GPC5: variants seen among roughly 807,000 people sequenced by gnomAD.
GPC5 encodes glypican 5.
In GPC5, 47 loss-of-function variants were observed where a neutral mutation model predicts 53.9. The observed-to-expected ratio is 0.87, with a 90% CI of 0.69 to 1.11. The LOEUF is 1.11. Among genes scored for constraint, GPC5 ranks in the 50% most tolerant of loss-of-function variants. The pLI, the probability that GPC5 is intolerant of heterozygous loss-of-function variation, is 0.00. For synonymous variants in GPC5, 286 were observed against 263.3 expected, an observed-to-expected ratio of 1.09 and a Z score of -0.84; for missense variants, 748 against 713.1, an observed-to-expected ratio of 1.05 and a Z score of -0.56.
intron 7 of GPC5, among the ~76,000 whole-genome samples, chr13:92,774,801 T>C (rs1057081646): frequency 2.6e-5 from 4 of 152,166 alleles, no homozygotes; most frequent in Non-Finnish European, 5.9e-5. Flanking sequence ...TATTTATCAA[T>C]TGGGCATGAA....
intron 6 of GPC5, among the ~76,000 whole-genome samples, chr13:92,086,168 C>T (rs563545506): frequency 1.6e-4 from 24 of 152,330 alleles, no homozygotes; most frequent in African/African-American, 4.3e-4. Flanking sequence ...CCTAACCCTG[C>T]AGAGCTGCTC....
At chr13:92,047,441 TA>T (rs371607050) in intron 6 of GPC5, among the ~76,000 whole-genome samples, 5,647 of 101,272 alleles carry the variant, frequency 0.056, 147 homozygotes, top group Non-Finnish European at 0.079. Flanking sequence ...TATATATATA[TA>T]TTTTTTTTTC....
intron 5 of GPC5, among the ~76,000 whole-genome samples, chr13:91,887,541 T>C (rs534983401): frequency 3.2e-4 from 49 of 152,338 alleles, no homozygotes; most frequent in African/African-American, 1.2e-3. Context: ...TTCTCTTGCA[T>C]TGTGACGCTG....
At chr13:92,586,430 G>A (rs1166399825) in intron 7 of GPC5, among the ~76,000 whole-genome samples, 1 of 152,208 alleles carries the variant, frequency 6.6e-6, no homozygotes, top group African/African-American at 2.4e-5. Context: ...AGTAAAGCAG[G>A]CTGCATTTAG....
chr13:92,416,530 T>C (rs1876299848), intron 7 of GPC5, among the ~76,000 whole-genome samples: 2 of 152,152 alleles, frequency 1.3e-5, no homozygotes, highest in Admixed American at 1.3e-4. Flanking sequence ...CACAAAAGGA[T>C]TAAGTTGAAT....
In GPC5 at chr13:91,470,046, CAAT is replaced by C. The variant is rs1022466270; in HGVS notation, c.325+21127_325+21129del. 4.6e-5 allele frequency among the ~76,000 whole-genome samples: 7 copies of C among 151,948 alleles called. No individual in the cohort carries two copies. In the South Asian group the frequency reaches 1.0e-3, roughly 23 times the overall value. On this transcript the variant is annotated intron_variant, in intron 2 of 7. Coordinates refer to ENST00000377067, the MANE Select transcript of GPC5 (RefSeq NM_004466.6). ...AGAGTGAGATCCTGTCTCAAAACAA[CAAT>C]AACAACAACAAACCCTCCCCACTCC...
intron 7 of GPC5, among the ~76,000 whole-genome samples, chr13:92,201,576 A>AT (rs139468342): frequency 0.028 from 4,193 of 151,394 alleles, 200 homozygotes; most frequent in African/African-American, 0.095. Context: ...ACTCCATTCC[A>AT]TTTTTTTTTC....
chr13:91,513,728 G>A (rs951948103), intron 2 of GPC5, among the ~76,000 whole-genome samples: 4 of 151,996 alleles, frequency 2.6e-5, no homozygotes, highest in African/African-American at 4.8e-5. Context: ...GCAACAGAGC[G>A]AGACGCCATC....
At chr13:92,201,410 T>A (rs895322342) in intron 7 of GPC5, among the ~76,000 whole-genome samples, 11 of 152,202 alleles carry the variant, frequency 7.2e-5, no homozygotes, top group Admixed American at 7.2e-4. Context: ...AAGTGTTGGG[T>A]TCAACTGTCA....
chr13:91,916,300 A>G lies in GPC5; in HGVS notation c.1401+8243A>G, dbSNP rs74760845. Among the ~76,000 whole-genome samples, 490 of 152,332 alleles carry G rather than the reference A, an allele frequency of 3.2e-3. 2 individuals carry two copies. Among genetic ancestry groups the G allele is most frequent in the African/African-American group, 0.011 (473 of 41,582 alleles). On this transcript the variant is annotated intron_variant, in intron 6 of 7. Coordinates refer to ENST00000377067, the MANE Select transcript of GPC5 (RefSeq NM_004466.6). ...AATTCCGTATCTAGGTATATACTCA[A>G]GAGAAAGGAAATACGTGTCTACACA...
At chr13:91,783,576 G>A (rs192679714) in intron 5 of GPC5, among the ~76,000 whole-genome samples, 53 of 152,138 alleles carry the variant, frequency 3.5e-4, no homozygotes, top group African/African-American at 1.2e-3. Flanking sequence ...TGGGATTATA[G>A]GCACATGCCA....
chr13:91,514,433 G>GTATA (rs1437015673), intron 2 of GPC5, among the ~76,000 whole-genome samples: 2 of 152,064 alleles, frequency 1.3e-5, no homozygotes, highest in African/African-American at 4.8e-5. Flanking sequence ...TTTACTATCT[G>GTATA]TATATGCTCA....
intron 5 of GPC5, among the ~76,000 whole-genome samples, chr13:91,792,908 T>C (rs1365275977): frequency 2.0e-5 from 3 of 152,188 alleles, no homozygotes; most frequent in Admixed American, 6.5e-5. Context: ...CTAAGGACTG[T>C]AATGTGGACA....
At chr13:92,177,713 A>G (rs1345265463) in intron 7 of GPC5, among the ~76,000 whole-genome samples, 1 of 152,188 alleles carries the variant, frequency 6.6e-6, no homozygotes, top group South Asian at 2.1e-4. Flanking sequence ...TGTGGTCTTC[A>G]TGTGACAACA....
intron 7 of GPC5, among the ~76,000 whole-genome samples, chr13:92,281,039 A>C (rs2042911334): frequency 6.6e-6 from 1 of 152,068 alleles, no homozygotes; most frequent in Admixed American, 6.5e-5. Context: ...AAATTGGGTC[A>C]CTCCCACACT....
chr13:91,784,536 C>G (rs997788421), intron 5 of GPC5, among the ~76,000 whole-genome samples: 2 of 152,010 alleles, frequency 1.3e-5, no homozygotes, highest in African/African-American at 4.8e-5. Context: ...ACCAGCCTGA[C>G]CAAGATGGAA....
chr13:91,741,865 A>C (rs1420191448), intron 4 of GPC5, among the ~76,000 whole-genome samples: 1 of 152,188 alleles, frequency 6.6e-6, no homozygotes, highest in Non-Finnish European at 1.5e-5. Context: ...AGAAAAATTT[A>C]ATATCATTTA....
At chr13:92,020,747 A>G (rs2138790127) in intron 6 of GPC5, among the ~76,000 whole-genome samples, 1 of 150,780 alleles carries the variant, frequency 6.6e-6, no homozygotes, top group Admixed American at 6.6e-5. Flanking sequence ...CTTAACAAAT[A>G]TATGGCTTGC....
chr13:92,534,803 G>A (rs1008762343), intron 7 of GPC5, among the ~76,000 whole-genome samples: 2 of 151,964 alleles, frequency 1.3e-5, no homozygotes, highest in Non-Finnish European at 2.9e-5. Context: ...AACAATTCAC[G>A]AATGGTACAA....
Sources: allele counts gnomAD v4.1 joint callset (sites outside exome capture counted in the v4.1 genomes callset), GRCh38; gene constraint gnomAD v4.1.1; transcripts MANE v1.5; gene names NCBI Gene and HGNC (gene_info 2026-07-23, HGNC 2026-07-21).